The following TRAPPC9 variants were observed in gnomAD, a reference collection of about 807,000 sequenced individuals.
TRAPPC9 encodes the protein trafficking protein particle complex subunit 9, also known as IKK2 binding protein.
A neutral mutation model predicts 124.0 loss-of-function variants in TRAPPC9; 83 were observed. That is an observed-to-expected ratio of 0.67 (90% CI 0.56 to 0.80). The LOEUF (loss-of-function observed/expected upper bound fraction) is 0.80. Among genes scored for constraint, TRAPPC9 ranks in the 30% least tolerant of loss-of-function variants. TRAPPC9 has a pLI of 0.00. For synonymous variants in TRAPPC9, 638 were observed against 617.5 expected (o/e 1.03, Z -0.49); for missense variants, 1,302 against 1,508.3 (o/e 0.86, Z 2.27).
At chr8:140,306,539 C>T (rs898387479) in intron 10 of TRAPPC9, among the ~76,000 whole-genome samples, 2 of 150,658 alleles carry the variant, frequency 1.3e-5, no homozygotes, top group Non-Finnish European at 3.0e-5. Context: ...GCAAGGACAT[C>T]ACATCTGTCC....
intron 21 of TRAPPC9, among the ~76,000 whole-genome samples, chr8:139,748,375 AG>A (rs1190052473): frequency 1.2e-4 from 6 of 49,776 alleles, no homozygotes; most frequent in Non-Finnish European, 2.2e-4. Context: ...CAGAGCAGGT[AG>A]GGGGGCGTAC....
intron 17 of TRAPPC9, among the ~76,000 whole-genome samples, chr8:140,178,786 C>T (rs2062130885): frequency 6.6e-6 from 1 of 152,056 alleles, no homozygotes; most frequent in Non-Finnish European, 1.5e-5. Flanking sequence ...AATGAACTGA[C>T]TTTTATTAAA....
At chr8:140,078,441 A>G (rs1050097589) in intron 17 of TRAPPC9, among the ~76,000 whole-genome samples, 28 of 152,148 alleles carry the variant, frequency 1.8e-4, no homozygotes, top group African/African-American at 6.5e-4. Flanking sequence ...ACTGCACTGG[A>G]TGGAGGCTTA....
At chr8:140,397,932 A>AT (rs1563997949) in intron 6 of TRAPPC9, among the ~76,000 whole-genome samples, 187 bp from the exon 7 acceptor site, 1 of 152,218 alleles carries the variant, frequency 6.6e-6, no homozygotes, top group Non-Finnish European at 1.5e-5. Context: ...TTGTACTCCC[A>AT]TAATTCCCAC....
At chr8:139,828,560 A>C (rs1166967949) in intron 21 of TRAPPC9, among the ~76,000 whole-genome samples, 2 of 152,236 alleles carry the variant, frequency 1.3e-5, no homozygotes, top group Non-Finnish European at 2.9e-5. Context: ...CTTTGAAGGA[A>C]CATCCTGAGA....
rs114225920 is a variant in TRAPPC9 at position 140,147,642 on chromosome 8, G to A, written c.2556+73817C>T. On this transcript the variant is annotated intron_variant, in intron 17 of 22. Coordinates refer to ENST00000438773, the MANE Select transcript of TRAPPC9 (RefSeq NM_001160372.4). The stretch of plus-strand genomic sequence containing the variant: ...GTTATGTTTCAGTGAACATCACTCT[G>A]GCTTCAATGAGCATAATGACAGTGA... Among the ~76,000 whole-genome samples, 482 of 152,304 alleles carry A rather than the reference G, an allele frequency of 3.2e-3. 2 individuals are homozygous for A. The highest frequency in any genetic ancestry group is 0.011 in the African/African-American group (461 of 41,546).
chr8:139,779,794 C>G (rs979972424), intron 21 of TRAPPC9, among the ~76,000 whole-genome samples: 3 of 151,862 alleles, frequency 2.0e-5, no homozygotes, highest in African/African-American at 7.3e-5. Context: ...CAAAAAAAAC[C>G]CTCCTGGAGT....
At chr8:140,019,327 T>C (rs1163544310) in intron 18 of TRAPPC9, among the ~76,000 whole-genome samples, 2 of 152,112 alleles carry the variant, frequency 1.3e-5, no homozygotes, top group Non-Finnish European at 2.9e-5. Flanking sequence ...AAAATGGAAG[T>C]TGGGAAGTAT....
At chr8:139,902,796 C>A (rs1406326072) in intron 20 of TRAPPC9, among the ~76,000 whole-genome samples, 3 of 152,186 alleles carry the variant, frequency 2.0e-5, no homozygotes, top group Non-Finnish European at 4.4e-5. Flanking sequence ...AGTCCCGCCT[C>A]TGTCCTGAAA....
At chr8:140,435,265 AAAAACCAGAAAACAAAAAAC>A (rs1351466515) in intron 3 of TRAPPC9, 25 bp from the exon 4 acceptor site, 3 of 127,498 alleles carry the variant, frequency 2.4e-5, no homozygotes, top group Non-Finnish European at 2.9e-5. Flanking sequence ...AACAAAAAAC[AAAAACCAGAAAACAAAAAAC>A]AAAAACCAGC....
chr8:139,921,825 G>A (rs1039282303), intron 19 of TRAPPC9, among the ~76,000 whole-genome samples: 4 of 149,046 alleles, frequency 2.7e-5, no homozygotes, highest in Middle Eastern at 3.5e-3. Flanking sequence ...CCCTGCTGCC[G>A]CATCCGAGAG....
intron 17 of TRAPPC9, among the ~76,000 whole-genome samples, chr8:140,166,576 G>C (rs1037447057): frequency 6.6e-6 from 1 of 152,182 alleles, no homozygotes; most frequent in Non-Finnish European, 1.5e-5. Flanking sequence ...AGTGTTTCTA[G>C]GGAAATATTT....
upstream of TRAPPC9, chr8:140,458,199 A>G (rs1327919533): frequency 1.0e-5 from 16 of 1,549,702 alleles, no homozygotes; most frequent in Non-Finnish European, 1.4e-5. Context: ...GACCGGAGCA[A>G]GAGAACAGAG....
chr8:140,092,093 C>T (rs76470162), intron 17 of TRAPPC9, among the ~76,000 whole-genome samples: 1 of 142,574 alleles, frequency 7.0e-6, no homozygotes, highest in African/African-American at 2.6e-5. Flanking sequence ...AAAAAAAAAA[C>T]AAACCTTTTT....
At chr8:140,197,331 C>A (rs2062693644) in intron 17 of TRAPPC9, among the ~76,000 whole-genome samples, 1 of 152,242 alleles carries the variant, frequency 6.6e-6, no homozygotes, top group Admixed American at 6.5e-5. Flanking sequence ...TTAAAACACA[C>A]AAATCCTTTC....
chr8:140,292,241 G>A (rs949903003), intron 11 of TRAPPC9, among the ~76,000 whole-genome samples: 6 of 152,272 alleles, frequency 3.9e-5, no homozygotes, highest in African/African-American at 1.2e-4. Flanking sequence ...TTCCACACAG[G>A]TTATCTCATT....
At chr8:139,746,718 G>A (rs1255580167) in intron 21 of TRAPPC9, among the ~76,000 whole-genome samples, 1 of 152,208 alleles carries the variant, frequency 6.6e-6, no homozygotes, top group African/African-American at 2.4e-5. Context: ...ACAGCATTTA[G>A]CTGTGACATT....
At chr8:140,206,756 CATAT>C (rs150660269) in intron 17 of TRAPPC9, among the ~76,000 whole-genome samples, 1 of 145,830 alleles carries the variant, frequency 6.9e-6, no homozygotes. Context: ...CATATACATA[CATAT>C]ATATATATAT....
At chr8:140,310,032 G>A (rs919125770) in intron 10 of TRAPPC9, among the ~76,000 whole-genome samples, 4 of 152,264 alleles carry the variant, frequency 2.6e-5, no homozygotes, top group East Asian at 1.9e-4. Context: ...CCCACTTCTC[G>A]GGAGCACACA....
Sources: gnomAD v4.1 joint callset for allele counts (sites outside exome capture counted in the v4.1 genomes callset) on GRCh38, gnomAD v4.1.1 for gene constraint, MANE v1.5 for transcripts, NCBI Gene and HGNC (gene_info 2026-07-23, HGNC 2026-07-21) for gene names.